UBAP2: variants seen among roughly 807,000 people sequenced by gnomAD.
UBAP2 encodes ubiquitin-associated protein 2.
In UBAP2, 75 loss-of-function variants were observed where a neutral mutation model predicts 139.6. That is an observed-to-expected ratio of 0.54 (90% CI 0.45 to 0.65). The LOEUF (loss-of-function observed/expected upper bound fraction) is 0.65. UBAP2 is among the 30% of genes least tolerant of loss of function. The pLI is 0.00. For synonymous variants in UBAP2, 526 were observed against 526.2 expected (o/e 1.00, Z 0.01); for missense variants, 1,368 against 1,369.6 (o/e 1.00, Z 0.02).
At chr9:33,974,704 C>A (rs1305954409) in intron 6 of UBAP2, among the ~76,000 whole-genome samples, 1 of 152,172 alleles carries the variant, frequency 6.6e-6, no homozygotes, top group African/African-American at 2.4e-5. Flanking sequence ...GTAATCCCAG[C>A]ACTTTCAGAG....
intron 1 of UBAP2, among the ~76,000 whole-genome samples, chr9:34,031,598 C>T (rs566953346): frequency 2.2e-4 from 34 of 152,036 alleles, no homozygotes; most frequent in Middle Eastern, 3.4e-3. Flanking sequence ...TGAGCCACCA[C>T]GCCCGGCCTT....
chr9:33,963,980 T>C (rs1017742540), intron 8 of UBAP2, among the ~76,000 whole-genome samples, 189 bp from the exon 9 acceptor site: 5 of 152,206 alleles, frequency 3.3e-5, no homozygotes, highest in African/African-American at 1.2e-4. Flanking sequence ...TTGATGGCTC[T>C]TGGACACTCA....
intron 1 of UBAP2, among the ~76,000 whole-genome samples, chr9:34,020,491 A>AT (rs1349990248): frequency 1.3e-5 from 2 of 151,644 alleles, no homozygotes; most frequent in South Asian, 2.1e-4. Context: ...TGCCCGGCTA[A>AT]TTTTTGGTAT....
chr9:33,926,333 A>C (rs912170334), intron 22 of UBAP2, among the ~76,000 whole-genome samples: 3 of 152,202 alleles, frequency 2.0e-5, no homozygotes, highest in African/African-American at 7.2e-5. Flanking sequence ...AAGATGGAGG[A>C]GGGAAGATAA....
chr9:33,958,509 G>C (rs777473045), intron 10 of UBAP2, among the ~76,000 whole-genome samples: 1 of 151,602 alleles, frequency 6.6e-6, no homozygotes. Flanking sequence ...CCGGGTTCAA[G>C]TGATTCTCCT....
intron 13 of UBAP2, among the ~76,000 whole-genome samples, chr9:33,947,145 G>A (rs1164973997): frequency 1.3e-5 from 2 of 152,152 alleles, no homozygotes; most frequent in African/African-American, 2.4e-5. Flanking sequence ...CAAAAACTTT[G>A]GGCACTGAGT....
chr9:33,970,872 G>A (rs1261630048), intron 8 of UBAP2, among the ~76,000 whole-genome samples: 3 of 152,222 alleles, frequency 2.0e-5, no homozygotes, highest in South Asian at 4.1e-4. Flanking sequence ...GCACGATCTC[G>A]GCTCATTGCA....
At position 33,960,844 on chromosome 9, in the gene UBAP2, T is replaced by G. The variant is rs1308329969; in HGVS notation, c.780A>C (p.Thr260=). The G allele has an allele frequency of 1.9e-6, 3 of 1,613,636 alleles. No homozygotes were observed. The highest frequency in any genetic ancestry group is 2.5e-6 in the Non-Finnish European group (3 of 1,179,978). Residue 260 remains threonine (T), a synonymous_variant, in exon 10 of 29, where the codon ACA becomes ACC. Coordinates refer to ENST00000379238, the MANE Select transcript of UBAP2 (RefSeq NM_001370062.2). ...AWKNSVEEWT[T]EDWTEDLSET... ...CACTTACATCTTCAGTCCAGTCTTC[T>G]GTTGTCCACTCTTCCACAGAATTCT...
intron 1 of UBAP2, among the ~76,000 whole-genome samples, chr9:34,039,273 G>T (rs1379396928): frequency 4.1e-5 from 6 of 147,192 alleles, no homozygotes; most frequent in East Asian, 2.0e-4. Context: ...TCCGAGAGGT[G>T]GGGGGGGCGC....
Position 33,996,299 on chromosome 9 carries a change from C to G in UBAP2, c.212G>C (p.Cys71Ser). Reference sequence around the variant, plus strand: ...ATTACAATCATGTAGGGCCACTATGCATTCATCCTGATTTTTCCCTGTCAC... The same window carrying G: ...ATTACAATCATGTAGGGCCACTATGGATTCATCCTGATTTTTCCCTGTCAC... ...MEVTGKNQDE[C>S]IVALHDCNGD... The change falls in exon 4 of 29, where the codon TGC becomes TCC. Residue 71 changes from cysteine (C) to serine (S), a missense_variant. Physicochemically the swap from Cys to Ser is moderately radical, Grantham distance 112 (BLOSUM62 -1). Coordinates refer to ENST00000379238, the MANE Select transcript of UBAP2 (RefSeq NM_001370062.2). 6.2e-7 allele frequency: 1 copy of G among 1,613,650 alleles called. No individual in the cohort carries two copies.
In UBAP2 at chr9:33,953,277, T is replaced by C; in HGVS notation, c.1056+8A>G. On this transcript the variant is annotated splice_region_variant and intron_variant, in intron 12 of 28. Transcript: ENST00000379238. ...TTAAAATCCCACACTGAAATAAAAGTGAGTTACCAGGCTCTGAGGAGAACA... is the reference window on the plus strand; with the variant it reads ...TTAAAATCCCACACTGAAATAAAAGCGAGTTACCAGGCTCTGAGGAGAACA... 6.2e-7 allele frequency: 1 copy of C among 1,607,424 alleles called. No individual in the cohort carries two copies. Among genetic ancestry groups the C allele is most frequent in the Non-Finnish European group, 8.5e-7 (1 of 1,176,554 alleles).
rs1824078208 is a variant in UBAP2 at position 33,932,555 on chromosome 9, CACTT to C, written c.2175+3_2175+6del. On this transcript the variant is annotated splice_donor_5th_base_variant and intron_variant, in intron 19 of 28. Transcript: ENST00000379238. Reference sequence around the variant, plus strand: ...GCGGAGGAAGAGGAAGCCGCGCAGACACTTACTGTGTGTGACGTGCTCGAGGAGA... The same window carrying C: ...GCGGAGGAAGAGGAAGCCGCGCAGACACTGTGTGTGACGTGCTCGAGGAGA... The C allele has an allele frequency of 6.2e-7, 1 of 1,613,886 alleles. No individual in the cohort carries two copies. The highest frequency in any genetic ancestry group is 8.5e-7 in the Non-Finnish European group (1 of 1,180,018).
At chr9:33,970,437 AT>A (rs796983789) in intron 8 of UBAP2, among the ~76,000 whole-genome samples, 2,669 of 143,940 alleles carry the variant, frequency 0.019, 60 homozygotes, top group African/African-American at 0.06. Flanking sequence ...TGTGTGCATT[AT>A]TTTTTTTTTT....
At position 33,943,589 on chromosome 9, in the gene UBAP2, T is replaced by A; in HGVS notation, c.1546A>T (p.Ile516Phe). 1 of 1,613,826 alleles carries A rather than the reference T, an allele frequency of 6.2e-7. No homozygotes were observed. Among genetic ancestry groups the A allele is most frequent in the Non-Finnish European group, 8.5e-7 (1 of 1,179,956 alleles). Residue 516 changes from isoleucine (I) to phenylalanine (F), a missense_variant and splice_region_variant, in exon 15 of 29, where the codon ATC becomes TTC. Transcript: ENST00000379238. ...AKRRIPPASK[I>F]PASAVEMPGS... is the part of the protein sequence containing the mutation. ...GGCATTTCCACTGCAGAAGCTGGGA[T>A]CTGAAAAAGCAAAGCTGTCGTGTCA...
chr9:33,935,675 A>AT lies in UBAP2; in HGVS notation c.1969+163dup, dbSNP rs144209629. On this transcript the variant is annotated intron_variant, in intron 17 of 28. Coordinates refer to ENST00000379238, the MANE Select transcript of UBAP2 (RefSeq NM_001370062.2). Reference sequence around the variant, plus strand: ...TCTTGCTGTGGTTAAGACATTTCTAATAACACCACAGCCAACACCTGGTCC... The same window carrying AT: ...TCTTGCTGTGGTTAAGACATTTCTAATTAACACCACAGCCAACACCTGGTCC... The AT allele has an allele frequency of 2.7e-4, 202 of 746,574 alleles. 1 individual carries two copies. Among genetic ancestry groups the AT allele is most frequent in the Middle Eastern group, 1.4e-3 (6 of 4,328 alleles). 46.2% of individuals were successfully genotyped at this position (746,574 alleles called of 1,614,324 possible). A position where few individuals can be genotyped will look rare whatever the true frequency, so the allele number is the denominator to read the frequency against.
intron 1 of UBAP2, among the ~76,000 whole-genome samples, chr9:34,034,027 C>T (rs893511322): frequency 6.6e-6 from 1 of 152,098 alleles, no homozygotes; most frequent in Non-Finnish European, 1.5e-5. Flanking sequence ...TGACCCACCA[C>T]GCCCGGCTTC....
intron 14 of UBAP2, among the ~76,000 whole-genome samples, chr9:33,944,117 GAAC>G (rs1348968033): frequency 6.6e-6 from 1 of 152,112 alleles, no homozygotes; most frequent in Non-Finnish European, 1.5e-5. Context: ...AAACCCTCAA[GAAC>G]AACAGTTCTC....
intron 24 of UBAP2, 105 bp from the exon 25 acceptor site, chr9:33,923,583 C>T: frequency 8.3e-7 from 1 of 1,206,680 alleles, no homozygotes; most frequent in Non-Finnish European, 1.2e-6. Flanking sequence ...CCCACAACCA[C>T]AGGGGACCTG....
At chr9:33,974,444 C>T (rs1374515292) in intron 6 of UBAP2, among the ~76,000 whole-genome samples, 1 of 152,098 alleles carries the variant, frequency 6.6e-6, no homozygotes, top group East Asian at 1.9e-4. Flanking sequence ...GAAGTTGAGG[C>T]TGCAGTGAGC....
Sources: gnomAD v4.1 joint callset for allele counts (sites outside exome capture counted in the v4.1 genomes callset) on GRCh38, gnomAD v4.1.1 for gene constraint, MANE v1.5 for transcripts, NCBI Gene and HGNC (gene_info 2026-07-23, HGNC 2026-07-21) for gene names.